Variants in LYPD6 observed in about 807,000 individuals in gnomAD.
The protein encoded by LYPD6 is ly6/PLAUR domain-containing protein 6.
LYPD6 carries 15 observed loss-of-function variants against 22.7 expected under a neutral mutation model. That is an observed-to-expected ratio of 0.66 (90% CI 0.44 to 1.02). The LOEUF is 1.02. Ranked by LOEUF, LYPD6 falls within the 50% of genes least tolerant of loss-of-function variation. LYPD6 has a pLI of 0.00. For missense variants in LYPD6, 189 were observed against 208.4 expected, an observed-to-expected ratio of 0.91 and a Z score of 0.57; for synonymous variants, 72 against 77.5, an observed-to-expected ratio of 0.93 and a Z score of 0.37.
intron 1 of LYPD6, among the ~76,000 whole-genome samples, chr2:149,421,411 AGT>A (rs1683076597): frequency 6.8e-6 from 1 of 146,968 alleles, no homozygotes; most frequent in Non-Finnish European, 1.5e-5. Flanking sequence ...AAAAAAAAAA[AGT>A]GTGTTTTTAT....
intron 1 of LYPD6, among the ~76,000 whole-genome samples, chr2:149,371,515 T>C (rs1213905153): frequency 6.6e-6 from 1 of 152,238 alleles, no homozygotes; most frequent in Non-Finnish European, 1.5e-5. Flanking sequence ...GATGGTGATG[T>C]TACCCAAGTT....
At chr2:149,335,868 A>G (rs926589127) in intron 1 of LYPD6, among the ~76,000 whole-genome samples, 1 of 152,214 alleles carries the variant, frequency 6.6e-6, no homozygotes, top group African/African-American at 2.4e-5. Flanking sequence ...GCCTAGGAAC[A>G]AAAGGCTATA....
intron 1 of LYPD6, among the ~76,000 whole-genome samples, chr2:149,433,969 TTTA>T (rs941247553): frequency 1.3e-5 from 2 of 152,080 alleles, no homozygotes; most frequent in Non-Finnish European, 2.9e-5. Context: ...ACCATTTCTT[TTTA>T]TTATTATTAT....
intron 1 of LYPD6, among the ~76,000 whole-genome samples, chr2:149,356,398 G>A (rs1351331907): frequency 6.6e-6 from 1 of 152,128 alleles, no homozygotes; most frequent in Non-Finnish European, 1.5e-5. Flanking sequence ...AAATCACTGT[G>A]GGCTGGAGAA....
chr2:149,446,651 A>G (rs1683695617), intron 2 of LYPD6, among the ~76,000 whole-genome samples: 1 of 152,166 alleles, frequency 6.6e-6, no homozygotes, highest in Admixed American at 6.5e-5. Context: ...TTGTAAAATG[A>G]TCTATGCACT....
chr2:149,462,908 A>T (rs1206790130), intron 3 of LYPD6, among the ~76,000 whole-genome samples: 1 of 152,118 alleles, frequency 6.6e-6, no homozygotes, highest in Non-Finnish European at 1.5e-5. Flanking sequence ...TGAATCACAG[A>T]CTTAAATGTG....
intron 3 of LYPD6, chr2:149,464,164 G>A: frequency 2.5e-6 from 1 of 396,196 alleles, no homozygotes; most frequent in Non-Finnish European, 5.0e-6. Context: ...TTTTGATCAG[G>A]AACCATGATC....
At chr2:149,476,562 A>G (rs377099021), downstream of LYPD6, among the ~76,000 whole-genome samples, 5 of 152,068 alleles carry the variant, frequency 3.3e-5, no homozygotes, top group African/African-American at 1.2e-4. Context: ...CTAAGTGGGG[A>G]AAGTGTATCT....
chr2:149,346,824 C>A (rs1681265158), intron 1 of LYPD6, among the ~76,000 whole-genome samples: 1 of 152,198 alleles, frequency 6.6e-6, no homozygotes, highest in African/African-American at 2.4e-5. Flanking sequence ...CCTCAGCCTC[C>A]CAAGTAGCTG....
chr2:149,433,000 A>G (rs1249458216), intron 1 of LYPD6, among the ~76,000 whole-genome samples: 1 of 152,238 alleles, frequency 6.6e-6, no homozygotes, highest in Non-Finnish European at 1.5e-5. Flanking sequence ...GAATATGTAA[A>G]TGAATATTAA....
chr2:149,376,525 T>C (rs1233613476), intron 1 of LYPD6, among the ~76,000 whole-genome samples: 2 of 152,260 alleles, frequency 1.3e-5, no homozygotes, highest in Admixed American at 1.3e-4. Flanking sequence ...TAATCTCCCA[T>C]CTGTAAAATA....
intron 1 of LYPD6, among the ~76,000 whole-genome samples, chr2:149,396,114 T>G (rs1682423418): frequency 6.6e-6 from 1 of 152,232 alleles, no homozygotes; most frequent in African/African-American, 2.4e-5. Context: ...CAAACCAGTT[T>G]AATGATATGG....
At chr2:149,388,282 TGGATATACAA>T (rs1394069859) in intron 1 of LYPD6, among the ~76,000 whole-genome samples, 11 of 151,830 alleles carry the variant, frequency 7.2e-5, no homozygotes, top group Admixed American at 1.3e-4. Context: ...TGGTGTGCCA[TGGATATACAA>T]GGGCGCAGGG....
intron 1 of LYPD6, among the ~76,000 whole-genome samples, chr2:149,421,969 G>C (rs1683090315): frequency 6.6e-6 from 1 of 152,134 alleles, no homozygotes; most frequent in Non-Finnish European, 1.5e-5. Context: ...GGATCAGCTA[G>C]AAAGTCTGAC....
intron 3 of LYPD6, among the ~76,000 whole-genome samples, chr2:149,452,070 C>T (rs537200596): frequency 6.6e-6 from 1 of 152,246 alleles, no homozygotes; most frequent in African/African-American, 2.4e-5. Flanking sequence ...ACTGGAGGTC[C>T]AGCATTGAAG....
At chr2:149,418,326 C>T (rs368681952) in intron 1 of LYPD6, among the ~76,000 whole-genome samples, 21 of 152,268 alleles carry the variant, frequency 1.4e-4, no homozygotes, top group African/African-American at 4.8e-4. Flanking sequence ...TTTTTTCCCT[C>T]ATGTCTAGGA....
chr2:149,359,171 A>C (rs898390966), intron 1 of LYPD6, among the ~76,000 whole-genome samples: 1 of 152,206 alleles, frequency 6.6e-6, no homozygotes, highest in Non-Finnish European at 1.5e-5. Flanking sequence ...TTAACATTAT[A>C]TATGTCTGTC....
chr2:149,400,514 G>C (rs923305073), intron 1 of LYPD6, among the ~76,000 whole-genome samples: 4 of 152,188 alleles, frequency 2.6e-5, no homozygotes, highest in Non-Finnish European at 4.4e-5. Context: ...AACGAATGCT[G>C]TTTAAACCCT....
chr2:149,360,580 A>G (rs1212571518), intron 1 of LYPD6, among the ~76,000 whole-genome samples: 2 of 150,490 alleles, frequency 1.3e-5, no homozygotes, highest in Non-Finnish European at 3.0e-5. Context: ...TCTATTTCCT[A>G]TATTACTTCC....
Sources: gnomAD v4.1 joint callset for allele counts (sites outside exome capture counted in the v4.1 genomes callset) on GRCh38, gnomAD v4.1.1 for gene constraint, MANE v1.5 for transcripts, NCBI Gene and HGNC (gene_info 2026-07-23, HGNC 2026-07-21) for gene names.